The following CD96 variants were observed in gnomAD, a reference collection of about 807,000 sequenced individuals.
CD96 encodes the protein CD96 molecule, also known as T-cell surface protein tactile.
Under a neutral mutation model 71.3 loss-of-function variants are expected in CD96, and 70 were observed. The ratio of observed to expected loss-of-function variants is 0.98; its 90% CI spans 0.81 to 1.20. CD96 has a LOEUF of 1.20. Ranked by LOEUF, CD96 falls within the 50% of genes most tolerant of loss-of-function variation. The pLI is 0.00. For synonymous variants in CD96, 248 were observed against 233.0 expected (o/e 1.06, Z -0.59); for missense variants, 742 against 677.5 (o/e 1.10, Z -1.06).
intron 10 of CD96, among the ~76,000 whole-genome samples, chr3:111,635,486 G>A (rs1178511671): frequency 6.6e-6 from 1 of 152,108 alleles, no homozygotes; most frequent in African/African-American, 2.4e-5. Context: ...AAAGAAAATG[G>A]CATAATTTTA....
At chr3:111,629,443 G>A (rs1173959162) in intron 10 of CD96, among the ~76,000 whole-genome samples, 1 of 152,094 alleles carries the variant, frequency 6.6e-6, no homozygotes, top group African/African-American at 2.4e-5. Context: ...ATGGTAAATG[G>A]TTCAATTCAA....
At chr3:111,609,148 T>C (rs971323654) in intron 8 of CD96, among the ~76,000 whole-genome samples, 1 of 152,182 alleles carries the variant, frequency 6.6e-6, no homozygotes, top group Admixed American at 6.5e-5. Context: ...AAAGTGAGCA[T>C]TTGTGCAGTG....
chr3:111,649,635 T>TGC lies in CD96; in HGVS notation c.1602-62_1602-61insCG. 3 of 931,038 alleles carry TGC rather than the reference T, an allele frequency of 3.2e-6. No homozygotes were observed. The East Asian group carries it at 7.2e-5, about 22-fold the overall frequency. 57.7% of individuals were successfully genotyped at this position (931,038 alleles called of 1,614,324 possible). The stretch of plus-strand genomic sequence containing the variant: ...CCTTTAAAGAAACAACACATGTCTG[T>TGC]GTGTGTGTGTGCATAAGACTCCCTC... On this transcript the variant is annotated intron_variant, in intron 13 of 13. Coordinates refer to ENST00000352690, the MANE Select transcript of CD96 (RefSeq NM_005816.5).
At chr3:111,647,118 G>A (rs1053102635) in intron 12 of CD96, among the ~76,000 whole-genome samples, 7 of 144,680 alleles carry the variant, frequency 4.8e-5, no homozygotes, top group African/African-American at 1.8e-4. Context: ...AACCCTACCT[G>A]TCAGGCACTG....
intron 12 of CD96, among the ~76,000 whole-genome samples, chr3:111,639,822 T>A (rs1428476109): frequency 6.6e-6 from 1 of 151,846 alleles, no homozygotes; most frequent in Non-Finnish European, 1.5e-5. Context: ...GCAGACAACC[T>A]CCAGTACCAG....
At chr3:111,549,592 T>C (rs778846779) in intron 2 of CD96, among the ~76,000 whole-genome samples, 1 of 152,114 alleles carries the variant, frequency 6.6e-6, no homozygotes, top group Non-Finnish European at 1.5e-5. Flanking sequence ...GCTGGTACCA[T>C]TAAGTACAGT....
chr3:111,627,322 G>A (rs1938820098), intron 10 of CD96, among the ~76,000 whole-genome samples: 1 of 152,170 alleles, frequency 6.6e-6, no homozygotes, highest in Admixed American at 6.5e-5. Context: ...GCACTGGAAA[G>A]TCCAAACGGA....
At chr3:111,616,719 T>A (rs1376808890) in intron 8 of CD96, among the ~76,000 whole-genome samples, 1 of 152,190 alleles carries the variant, frequency 6.6e-6, no homozygotes, top group African/African-American at 2.4e-5. Context: ...CCGACTGGAC[T>A]AGCTGCTGTG....
intron 1 of CD96, among the ~76,000 whole-genome samples, chr3:111,544,655 C>A (rs1934291241): frequency 6.6e-6 from 1 of 152,124 alleles, no homozygotes; most frequent in African/African-American, 2.4e-5. Context: ...GTATTATATT[C>A]AGCTGTCGTT....
chr3:111,608,685 C>A (rs1054921564), intron 8 of CD96, among the ~76,000 whole-genome samples: 2 of 152,142 alleles, frequency 1.3e-5, no homozygotes, highest in African/African-American at 4.8e-5. Flanking sequence ...CTAAACATAT[C>A]GTGAGAACAG....
intron 13 of CD96, 52 bp from the exon 14 acceptor site, chr3:111,649,646 G>A (rs1939989353): frequency 9.9e-7 from 1 of 1,009,938 alleles, no homozygotes. Flanking sequence ...GTGTGTGTGT[G>A]CATAAGACTC....
chr3:111,661,772 G>A (rs1940364866), intron 14 of CD96, among the ~76,000 whole-genome samples: 2 of 152,200 alleles, frequency 1.3e-5, no homozygotes, highest in Admixed American at 1.3e-4. Flanking sequence ...AGTCCTCTTG[G>A]CTGCTTTCAC....
intron 2 of CD96, among the ~76,000 whole-genome samples, chr3:111,554,297 G>T (rs1358553228): frequency 6.6e-6 from 1 of 151,786 alleles, no homozygotes; most frequent in Non-Finnish European, 1.5e-5. Flanking sequence ...CATCAAATTA[G>T]TTCTTAATTT....
chr3:111,590,940 C>T (rs990464216), intron 5 of CD96, among the ~76,000 whole-genome samples: 7 of 152,162 alleles, frequency 4.6e-5, no homozygotes, highest in South Asian at 4.2e-4. Context: ...TCATATCACT[C>T]GCTACCTTTG....
At chr3:111,577,399 C>T (rs1936267061) in intron 3 of CD96, 6 of 828,620 alleles carry the variant, frequency 7.2e-6, no homozygotes, top group Non-Finnish European at 1.3e-5. Flanking sequence ...GACATGCTCT[C>T]CACTTTCTTC....
intron 8 of CD96, among the ~76,000 whole-genome samples, chr3:111,622,606 A>G (rs185255389): frequency 3.3e-5 from 5 of 152,306 alleles, no homozygotes; most frequent in Admixed American, 2.6e-4. Context: ...GTCCTTTCAC[A>G]TAACTGAGGT....
At chr3:111,601,594 G>A (rs1221959903) in intron 7 of CD96, among the ~76,000 whole-genome samples, 2 of 152,134 alleles carry the variant, frequency 1.3e-5, no homozygotes, top group African/African-American at 4.8e-5. Context: ...CAACAGATAT[G>A]CCTGAAGAAA....
intron 4 of CD96, among the ~76,000 whole-genome samples, chr3:111,582,610 T>G (rs541575975): frequency 4.6e-5 from 7 of 152,174 alleles, no homozygotes; most frequent in African/African-American, 1.7e-4. Flanking sequence ...TACCCAAAAC[T>G]GGGAAGAAAA....
intron 5 of CD96, among the ~76,000 whole-genome samples, chr3:111,597,330 A>T (rs1023973444): frequency 6.6e-6 from 1 of 152,214 alleles, no homozygotes. Flanking sequence ...CCCCCAAAGA[A>T]CAAACATAGC....
Sources: gnomAD v4.1 joint callset for allele counts (sites outside exome capture counted in the v4.1 genomes callset) on GRCh38, gnomAD v4.1.1 for gene constraint, MANE v1.5 for transcripts, NCBI Gene and HGNC (gene_info 2026-07-23, HGNC 2026-07-21) for gene names.